The following VGLL3 variants were observed in gnomAD, a reference collection of about 807,000 sequenced individuals.
The protein encoded by VGLL3 is vestigial like family member 3.
VGLL3 carries 18 observed loss-of-function variants against 29.2 expected under a neutral mutation model. The ratio of observed to expected loss-of-function variants is 0.62; its 90% CI spans 0.43 to 0.91. VGLL3 has a LOEUF of 0.91. Ranked by LOEUF, VGLL3 falls within the 40% of genes least tolerant of loss-of-function variation. VGLL3 has a pLI of 0.00. For synonymous variants in VGLL3, 180 were observed against 151.8 expected (o/e 1.19, Z -1.36); for missense variants, 440 against 413.2 (o/e 1.06, Z -0.56).
At chr3:86,969,492 T>C (rs1031991772) in intron 2 of VGLL3, among the ~76,000 whole-genome samples, 1 of 152,160 alleles carries the variant, frequency 6.6e-6, no homozygotes, top group African/African-American at 2.4e-5. Flanking sequence ...GGTAAAGAAA[T>C]CTTATGCCAT....
chr3:86,987,528 G>C (rs771029190), intron 1 of VGLL3, among the ~76,000 whole-genome samples: 27 of 152,126 alleles, frequency 1.8e-4, no homozygotes, highest in Admixed American at 6.6e-5. Context: ...TGAAACCTTT[G>C]ACAGCATGTG....
Position 86,942,688 on chromosome 3 carries a change from C to A in VGLL3, c.*4336G>T, listed in dbSNP as rs922459897. ...AACATGTAGGAAAACTGAATTGGAC[C>A]TACATGCCACTTTAAGGTTAATTTA... On this transcript the variant is annotated 3_prime_UTR_variant, in exon 4 of 4. Transcript: ENST00000398399. 7 of 152,036 alleles carry A rather than the reference C, an allele frequency of 4.6e-5. No individual in the cohort carries two copies. The highest frequency in any genetic ancestry group is 4.1e-4 in the South Asian group (2 of 4,822). 9.4% of individuals were successfully genotyped at this position (152,036 alleles called of 1,614,324 possible).
chr3:86,968,144 A>G (rs1432430834), intron 3 of VGLL3, among the ~76,000 whole-genome samples: 1 of 152,156 alleles, frequency 6.6e-6, no homozygotes, highest in Non-Finnish European at 1.5e-5. Flanking sequence ...AAAAGGCTAC[A>G]CTATAGACTA....
chr3:86,943,719 A>G lies in VGLL3; in HGVS notation c.*3305T>C, dbSNP rs1030952222. 20 of 152,146 alleles carry G rather than the reference A, an allele frequency of 1.3e-4. No homozygotes were observed. Among genetic ancestry groups the G allele is most frequent in the Non-Finnish European group, 1.5e-4 (10 of 68,016 alleles). 9.4% of individuals were successfully genotyped at this position (152,146 alleles called of 1,614,324 possible). ...CTTAAGAAGACACATTGATTTCTCAAAAGTTTAGAGGCTCTTTCAAATTAA... is the reference window on the plus strand; with the variant it reads ...CTTAAGAAGACACATTGATTTCTCAGAAGTTTAGAGGCTCTTTCAAATTAA... On this transcript the variant is annotated 3_prime_UTR_variant, in exon 4 of 4. Transcript: ENST00000398399.
At chr3:86,986,839 A>G (rs551766832) in intron 1 of VGLL3, among the ~76,000 whole-genome samples, 47 of 152,190 alleles carry the variant, frequency 3.1e-4, no homozygotes, top group Admixed American at 6.5e-4. Flanking sequence ...CATGGATAGC[A>G]TAAGTCATTA....
In VGLL3 at chr3:86,978,618, T is replaced by G; in HGVS notation, c.311A>C (p.Glu104Ala). ...FQGDIGSVVDEHFSRALGQAI... is the reference protein window; with the variant it reads ...FQGDIGSVVDAHFSRALGQAI... ...TTGGCCCAAAGCTCTTGAGAAGTGT[T>G]CATCCACTACTGACCCAATGTCTCC... Residue 104 changes from glutamate to alanine, a missense_variant, in exon 2 of 4, where the codon GAA becomes GCA. Coordinates refer to ENST00000398399, the MANE Select transcript of VGLL3 (RefSeq NM_016206.4). 1.2e-6 allele frequency: 2 copies of G among 1,614,162 alleles called. No homozygotes were observed. The highest frequency in any genetic ancestry group is 1.7e-6 in the Non-Finnish European group (2 of 1,180,020).
At chr3:86,960,222 T>A (rs1294152580) in intron 3 of VGLL3, among the ~76,000 whole-genome samples, 2 of 152,166 alleles carry the variant, frequency 1.3e-5, no homozygotes. Flanking sequence ...TTGTGAATAA[T>A]GTCCCTTTCA....
chr3:86,978,658 A>G lies in VGLL3; in HGVS notation c.271T>C (p.Phe91Leu), dbSNP rs1350568751. 1.9e-6 allele frequency: 3 copies of G among 1,614,000 alleles called. No homozygotes were observed. Among genetic ancestry groups the G allele is most frequent in the Non-Finnish European group, 2.5e-6 (3 of 1,180,020 alleles). Residue 91 changes from phenylalanine (F) to leucine (L), a missense_variant, in exon 2 of 4, where the codon TTC (phenylalanine) becomes CTC (leucine). Phe to Leu is a conservative substitution (Grantham distance 22). Transcript: ENST00000398399. ...MEYLNSRCVLFTYFQGDIGSV... is the reference protein window; with the variant it reads ...MEYLNSRCVLLTYFQGDIGSV... ...CCAATGTCTCCCTGGAAATAAGTGA[A>G]AAGGACACAGCGAGAGTTAAGGTAC...
Position 86,941,495 on chromosome 3 carries a change from A to G in VGLL3, c.*5529T>C, listed in dbSNP as rs1293149537. The G allele has an allele frequency of 6.6e-6, 1 of 152,098 alleles. No homozygotes were observed. Among genetic ancestry groups the G allele is most frequent in the African/African-American group, 2.4e-5 (1 of 41,388 alleles). The allele number at this position is 152,098 out of a possible 1,614,324, so 9.4% of individuals were successfully genotyped here. On this transcript the variant is annotated 3_prime_UTR_variant, in exon 4 of 4. Coordinates refer to ENST00000398399, the MANE Select transcript of VGLL3 (RefSeq NM_016206.4). ...AATTGATGATTACTTATCCTTTTCT[A>G]AAAGGTGTCTGTTTGCTTATACAAT...
chr3:86,983,510 A>T (rs1705372512), intron 1 of VGLL3, among the ~76,000 whole-genome samples: 1 of 152,024 alleles, frequency 6.6e-6, no homozygotes, highest in Non-Finnish European at 1.5e-5. Flanking sequence ...TCTCACTTCA[A>T]CTGGGACTAC....
chr3:86,948,937 T>C (rs967692950), intron 3 of VGLL3, among the ~76,000 whole-genome samples: 6 of 152,208 alleles, frequency 3.9e-5, no homozygotes, highest in Non-Finnish European at 8.8e-5. Context: ...TGGGTAACTC[T>C]TGTAATCTAA....
chr3:86,988,503 G>A lies in VGLL3; in HGVS notation c.126+2115C>T, dbSNP rs561725004. The stretch of plus-strand genomic sequence containing the variant: ...GCTGTCAGCCTGATAAGAATTTCCT[G>A]ATTTACTCTCTTTTCCAATAGAAAA... On this transcript the variant is annotated intron_variant, in intron 1 of 3. Coordinates refer to ENST00000398399, the MANE Select transcript of VGLL3 (RefSeq NM_016206.4). Among the ~76,000 whole-genome samples the A allele has an allele frequency of 5.3e-5, 8 of 150,202 alleles. No homozygotes were observed. In the South Asian group the frequency reaches 1.7e-3, roughly 32 times the overall value.
intron 3 of VGLL3, among the ~76,000 whole-genome samples, chr3:86,955,981 G>A (rs1163794899): frequency 2.0e-5 from 3 of 152,148 alleles, no homozygotes; most frequent in Non-Finnish European, 4.4e-5. Flanking sequence ...AGAACATGTT[G>A]CCTGCAGACA....
intron 3 of VGLL3, among the ~76,000 whole-genome samples, chr3:86,956,086 G>C (rs72916061): frequency 0.021 from 3,213 of 152,226 alleles, 112 homozygotes; most frequent in African/African-American, 0.073. Context: ...AAATTCCTCA[G>C]GCCATATAGA....
At chr3:86,981,178 C>T (rs1305777055) in intron 1 of VGLL3, among the ~76,000 whole-genome samples, 1 of 151,928 alleles carries the variant, frequency 6.6e-6, no homozygotes, top group African/African-American at 2.4e-5. Context: ...AAATAGTATT[C>T]TTATCAATAG....
chr3:86,962,704 A>T (rs1464021071), intron 3 of VGLL3: 1 of 801,068 alleles, frequency 1.2e-6, no homozygotes, highest in African/African-American at 1.9e-5. Flanking sequence ...AAGAGAATTA[A>T]ACACACATTT....
At position 86,954,252 on chromosome 3, in the gene VGLL3, C is replaced by T. The variant is rs1704671895; in HGVS notation, c.938-7185G>A. ...GCTGATGTTACTAGAAAACCATAAT[C>T]CACTATGTTATTTTAAGAAGTACAG... On this transcript the variant is annotated intron_variant, in intron 3 of 3. Coordinates refer to ENST00000398399, the MANE Select transcript of VGLL3 (RefSeq NM_016206.4). Among the ~76,000 whole-genome samples the T allele has an allele frequency of 2.0e-5, 3 of 152,192 alleles. No individual in the cohort carries two copies. In the South Asian group the frequency reaches 6.2e-4, roughly 31 times the overall value.
In VGLL3 at chr3:86,990,888, C is replaced by T. The variant is rs890669458; in HGVS notation, c.-145G>A. 5.3e-6 allele frequency: 6 copies of T among 1,132,492 alleles called. No individual in the cohort carries two copies. The South Asian group carries it at 2.2e-4, about 41-fold the overall frequency. 70.2% of individuals were successfully genotyped at this position (1,132,492 alleles called of 1,614,324 possible). A position where few individuals can be genotyped will look rare whatever the true frequency, so the allele number is the denominator to read the frequency against. ...GGCGAAGGCGGGTCCTCGGCGGCCTCGGGCTCCGCGCGGGGCGCGGGGTCG... is the reference window on the plus strand; with the variant it reads ...GGCGAAGGCGGGTCCTCGGCGGCCTTGGGCTCCGCGCGGGGCGCGGGGTCG... On this transcript the variant is annotated 5_prime_UTR_variant, in exon 1 of 4. Coordinates refer to ENST00000398399, the MANE Select transcript of VGLL3 (RefSeq NM_016206.4).
Position 86,946,735 on chromosome 3 carries a change from G to T in VGLL3, c.*289C>A. ...GTTGGCTAAAAAAAAAAATCAAAAT[G>T]AAACAAAAACTTAGCTATATATTGA... On this transcript the variant is annotated 3_prime_UTR_variant, in exon 4 of 4. Transcript: ENST00000398399. 3.7e-6 allele frequency: 1 copy of T among 268,148 alleles called. No individual in the cohort carries two copies. The highest frequency in any genetic ancestry group is 7.0e-6 in the Non-Finnish European group (1 of 143,598). 16.6% of individuals were successfully genotyped at this position (268,148 alleles called of 1,614,324 possible). A position where few individuals can be genotyped will look rare whatever the true frequency, so the allele number is the denominator to read the frequency against.
Sources: allele counts gnomAD v4.1 joint callset (sites outside exome capture counted in the v4.1 genomes callset), GRCh38; gene constraint gnomAD v4.1.1; transcripts MANE v1.5; gene names NCBI Gene and HGNC (gene_info 2026-07-23, HGNC 2026-07-21).